BLTP3B: variants seen among roughly 807,000 people sequenced by gnomAD.
BLTP3B encodes bridge-like lipid transfer protein family member 3B.
At chr12:100,039,579 A>G in the BLTP3B span, 4 of 1,598,204 alleles carry the variant, frequency 2.5e-6, no homozygotes, top group Middle Eastern at 1.7e-4. Context: ...CTGAATCTGA[A>G]TTAGGTTTCC....
the BLTP3B span, among the ~76,000 whole-genome samples, chr12:100,065,243 G>C: frequency 1.3e-5 from 2 of 151,796 alleles, no homozygotes; most frequent in Admixed American, 6.6e-5. Flanking sequence ...TGATGAATGC[G>C]TTAACTATAC....
the BLTP3B span, among the ~76,000 whole-genome samples, chr12:100,137,159 A>G: frequency 6.6e-6 from 1 of 152,154 alleles, no homozygotes; most frequent in Non-Finnish European, 1.5e-5. Context: ...AAAATCTTAA[A>G]CTTCAATGTG....
At chr12:100,072,635 C>A in the BLTP3B span, 1 of 1,430,770 alleles carries the variant, frequency 7.0e-7, no homozygotes. Context: ...AATACTTTCT[C>A]AAATAATGGA....
the BLTP3B span, chr12:100,128,810 A>G: frequency 8.7e-7 from 1 of 1,144,666 alleles, no homozygotes; most frequent in Non-Finnish European, 1.1e-6. Context: ...AAAAAAATTT[A>G]GCTGTGGTGC....
At chr12:100,094,096 T>G in the BLTP3B span, among the ~76,000 whole-genome samples, 1 of 152,186 alleles carries the variant, frequency 6.6e-6, no homozygotes, top group Non-Finnish European at 1.5e-5. Context: ...TATGTTGAAC[T>G]ACAATGATTT....
the BLTP3B span, among the ~76,000 whole-genome samples, chr12:100,052,068 A>ATT: frequency 2.1e-5 from 3 of 143,170 alleles, no homozygotes. Flanking sequence ...TTCCCTTTAA[A>ATT]TTTTTTTTTT....
chr12:100,048,342 C>T, the BLTP3B span: 1 of 800,714 alleles, frequency 1.2e-6, no homozygotes, highest in Non-Finnish European at 1.8e-6. Flanking sequence ...AATATACGTA[C>T]ACACACTAAT....
the BLTP3B span, chr12:100,142,615 T>C: frequency 6.2e-7 from 1 of 1,608,812 alleles, no homozygotes. Context: ...TCAAGATTTG[T>C]TTCTTGATGA....
At chr12:100,130,990 A>G in the BLTP3B span, among the ~76,000 whole-genome samples, 6 of 66,488 alleles carry the variant, frequency 9.0e-5, no homozygotes, top group African/African-American at 7.2e-4. Context: ...AGGGAGAGAG[A>G]GAGAGAGAGA....
chr12:100,059,780 A>G, the BLTP3B span: 1 of 1,422,076 alleles, frequency 7.0e-7, no homozygotes, highest in South Asian at 1.3e-5. Flanking sequence ...AATGTAACAT[A>G]CATATACGCA....
chr12:100,074,695 T>C, the BLTP3B span, among the ~76,000 whole-genome samples: 2 of 150,544 alleles, frequency 1.3e-5, no homozygotes, highest in African/African-American at 4.9e-5. Flanking sequence ...TAGAAAAAAA[T>C]TTTAAAATAT....
the BLTP3B span, chr12:100,072,558 A>C: frequency 5.3e-6 from 5 of 951,666 alleles, no homozygotes; most frequent in Non-Finnish European, 7.2e-6. Context: ...ACTAATAATA[A>C]ATAAGGAACA....
chr12:100,130,921 A>ATAC, the BLTP3B span, among the ~76,000 whole-genome samples: 1 of 127,604 alleles, frequency 7.8e-6, no homozygotes, highest in African/African-American at 3.4e-5. Context: ...ATCTCAAAAA[A>ATAC]ATACATACAT....
chr12:100,086,815 T>C, the BLTP3B span, among the ~76,000 whole-genome samples: 1 of 152,290 alleles, frequency 6.6e-6, no homozygotes, highest in African/African-American at 2.4e-5. Flanking sequence ...AAGCTTGGAT[T>C]TGAACCCAGG....
chr12:100,097,610 C>T, the BLTP3B span: 1 of 1,282,936 alleles, frequency 7.8e-7, no homozygotes, highest in African/African-American at 1.5e-5. Context: ...TTAATTTTCA[C>T]ATGACATTTT....
chr12:100,111,386 T>A, the BLTP3B span, among the ~76,000 whole-genome samples: 1 of 145,336 alleles, frequency 6.9e-6, no homozygotes, highest in African/African-American at 2.6e-5. Context: ...CACGACCGCC[T>A]GGACTCAGGT....
chr12:100,128,598 G>T, the BLTP3B span: 1 of 1,269,752 alleles, frequency 7.9e-7, no homozygotes, highest in Non-Finnish European at 1.0e-6. Flanking sequence ...AGGAAATTCA[G>T]AAAAAGGTCC....
At chr12:100,124,978 A>ATATATT in the BLTP3B span, among the ~76,000 whole-genome samples, 4 of 99,258 alleles carry the variant, frequency 4.0e-5, no homozygotes, top group African/African-American at 2.1e-4. Flanking sequence ...ATATATATAT[A>ATATATT]TTTATATTTA....
the BLTP3B span, among the ~76,000 whole-genome samples, chr12:100,129,489 G>A: frequency 6.6e-6 from 1 of 152,160 alleles, no homozygotes; most frequent in East Asian, 1.9e-4. Flanking sequence ...AGATACAACG[G>A]TGAACAAGAC....
Sources: allele counts gnomAD v4.1 joint callset (sites outside exome capture counted in the v4.1 genomes callset), GRCh38; gene constraint gnomAD v4.1.1; transcripts MANE v1.5; gene names NCBI Gene and HGNC (gene_info 2026-07-23, HGNC 2026-07-21).